The following PDGFRL variants were observed in gnomAD, a reference collection of about 807,000 sequenced individuals.
PDGFRL encodes the protein platelet-derived growth factor receptor-like protein.
PDGFRL carries 46 observed loss-of-function variants against 37.2 expected under a neutral mutation model. That is an observed-to-expected ratio of 1.24 (90% CI 0.98 to 1.58). PDGFRL has a LOEUF of 1.58. Among genes scored for constraint, PDGFRL ranks in the 40% most tolerant of loss-of-function variants. The probability of loss-of-function intolerance (pLI) is 0.00; values close to 1 mark genes in which losing one functional copy is unlikely to be tolerated. For synonymous variants in PDGFRL, 251 were observed against 184.3 expected (o/e 1.36, Z -2.93); for missense variants, 692 against 467.6 (o/e 1.48, Z -4.43).
intron 2 of PDGFRL, among the ~76,000 whole-genome samples, chr8:17,593,901 G>GA (rs374981787): frequency 1.2e-5 from 1 of 84,530 alleles, no homozygotes; most frequent in African/African-American, 3.6e-5. Context: ...AAAAAAAAAA[G>GA]AAAAAAAAAG....
chr8:17,596,634 A>G (rs2720476), intron 2 of PDGFRL, among the ~76,000 whole-genome samples: 21,992 of 152,200 alleles, frequency 0.14, 4,242 homozygotes, highest in African/African-American at 0.43. Flanking sequence ...GTTAATCTGA[A>G]GAGAAATATT....
At chr8:17,617,074 G>A (rs914726248) in intron 2 of PDGFRL, among the ~76,000 whole-genome samples, 10 of 152,208 alleles carry the variant, frequency 6.6e-5, no homozygotes, top group African/African-American at 2.4e-4. Flanking sequence ...ACTGATGGGA[G>A]CAAGACTCTG....
intron 5 of PDGFRL, among the ~76,000 whole-genome samples, chr8:17,635,919 CTT>C (rs1392959674): frequency 2.0e-5 from 3 of 152,116 alleles, no homozygotes; most frequent in Non-Finnish European, 1.5e-5. Context: ...TTTGGTATGT[CTT>C]TTGAGAATTG....
rs373411091 is a variant in PDGFRL at position 17,582,521 on chromosome 8, G to A, written c.55+5214G>A. On this transcript the variant is annotated intron_variant, in intron 1 of 5. Transcript: ENST00000251630. Reference sequence around the variant, plus strand: ...CGCTTGAACTCGGGAAGAGGAGATTGCAGTGAGCTGAGATCAGGCCACTGT... The same window carrying A: ...CGCTTGAACTCGGGAAGAGGAGATTACAGTGAGCTGAGATCAGGCCACTGT... Among the ~76,000 whole-genome samples, 6 of 146,636 alleles carry A rather than the reference G, an allele frequency of 4.1e-5. No homozygotes were observed. The East Asian group carries it at 1.3e-3, about 31-fold the overall frequency.
intron 2 of PDGFRL, among the ~76,000 whole-genome samples, chr8:17,617,264 G>C (rs1396660168): frequency 1.3e-5 from 2 of 152,202 alleles, no homozygotes; most frequent in Non-Finnish European, 2.9e-5. Flanking sequence ...TGATGTGTTG[G>C]CGTGTTCAGA....
In PDGFRL at chr8:17,634,198, C is replaced by T; in HGVS notation, c.924C>T (p.Ile308=). 6.2e-7 allele frequency: 1 copy of T among 1,612,302 alleles called. No individual in the cohort carries two copies. The highest frequency in any genetic ancestry group is 1.1e-5 in the South Asian group (1 of 90,942). ...EPDVEVEFTW[I]FPGQKDERPV... ...ATGTGGAGGTGGAGTTCACCTGGAT[C>T]TTCCCAGGGCAGAAGGTAAGTGTTG... The change falls in exon 5 of 6, where the codon ATC becomes ATT. Residue 308 remains isoleucine (I), a synonymous_variant. Transcript: ENST00000251630.
At chr8:17,586,574 T>C (rs1051592363) in intron 1 of PDGFRL, among the ~76,000 whole-genome samples, 1 of 152,192 alleles carries the variant, frequency 6.6e-6, no homozygotes, top group Non-Finnish European at 1.5e-5. Flanking sequence ...TTGGCATCTA[T>C]ACATTAAAGA....
intron 1 of PDGFRL, among the ~76,000 whole-genome samples, chr8:17,586,820 A>G (rs1219862250): frequency 6.6e-6 from 1 of 152,210 alleles, no homozygotes; most frequent in African/African-American, 2.4e-5. Context: ...GAAGAGGGCA[A>G]GTAGCTTCCC....
At chr8:17,586,447 C>A (rs1041289272) in intron 1 of PDGFRL, among the ~76,000 whole-genome samples, 1 of 152,166 alleles carries the variant, frequency 6.6e-6, no homozygotes, top group African/African-American at 2.4e-5. Context: ...GAAAAAGCAA[C>A]AATATGCTAA....
chr8:17,611,718 A>G (rs1475494248), intron 2 of PDGFRL, among the ~76,000 whole-genome samples: 2 of 152,324 alleles, frequency 1.3e-5, no homozygotes, highest in Non-Finnish European at 2.9e-5. Flanking sequence ...TCTGTGTGCA[A>G]TGGGAGAAGC....
At position 17,589,596 on chromosome 8, in the gene PDGFRL, C is replaced by T. The variant is rs761803349; in HGVS notation, c.184C>T (p.Pro62Ser). The T allele has an allele frequency of 6.2e-7, 1 of 1,613,960 alleles. No homozygotes were observed. The highest frequency in any genetic ancestry group is 8.5e-7 in the Non-Finnish European group (1 of 1,179,896). ...GGACAGGGACTCAGCCAATTCAGCA[C>T]CAAAGACGCAGTCTATCATGATGCA... is the stretch of plus-strand genomic sequence containing the variant. Reference protein sequence around the residue: ...MKDRDSANSAPKTQSIMMQVL... With the variant: ...MKDRDSANSASKTQSIMMQVL... The change falls in exon 2 of 6, where the codon CCA (proline) becomes TCA (serine). Residue 62 changes from proline to serine, a missense_variant. By Grantham distance (74) the Pro-to-Ser change is moderately conservative. Coordinates refer to ENST00000251630, the MANE Select transcript of PDGFRL (RefSeq NM_001372073.1).
At chr8:17,581,330 G>A (rs995713562) in intron 1 of PDGFRL, among the ~76,000 whole-genome samples, 2 of 152,210 alleles carry the variant, frequency 1.3e-5, no homozygotes, top group South Asian at 2.1e-4. Flanking sequence ...GGCTGTGGCT[G>A]TGATGCGTGG....
intron 2 of PDGFRL, among the ~76,000 whole-genome samples, chr8:17,616,980 G>C (rs956504528): frequency 6.6e-6 from 1 of 152,168 alleles, no homozygotes; most frequent in Non-Finnish European, 1.5e-5. Flanking sequence ...AGGACTGTCA[G>C]CTCCCTCCTC....
upstream of PDGFRL, chr8:17,577,054 G>T (rs1304842822): frequency 4.6e-6 from 3 of 651,958 alleles, no homozygotes; most frequent in Non-Finnish European, 7.1e-6. Context: ...CCGCCAGGGG[G>T]CAGGAGAAGT....
Position 17,577,280 on chromosome 8 carries a change from C to G in PDGFRL, c.28C>G (p.Leu10Val). ...GAAGGTCTGGCTGCTGCTTGGTCTTCTGCTGGTGCACGAAGCGCTGGAGGA... is the reference window on the plus strand; with the variant it reads ...GAAGGTCTGGCTGCTGCTTGGTCTTGTGCTGGTGCACGAAGCGCTGGAGGA... MKVWLLLGL[L>V]LVHEALEDVT... Residue 10 changes from leucine to valine, a missense_variant, in exon 1 of 6, where the codon CTG (leucine) becomes GTG (valine). Physicochemically the swap from Leu to Val is conservative, Grantham distance 32. Transcript: ENST00000251630. The G allele has an allele frequency of 6.2e-7, 1 of 1,613,170 alleles. No individual in the cohort carries two copies. The highest frequency in any genetic ancestry group is 8.5e-7 in the Non-Finnish European group (1 of 1,179,684).
intron 5 of PDGFRL, among the ~76,000 whole-genome samples, chr8:17,640,556 T>C (rs6586614): frequency 0.82 from 125,049 of 151,944 alleles, 52,342 homozygotes; most frequent in Non-Finnish European, 0.91. Flanking sequence ...CTCTTCTGTA[T>C]CTAGCCACCC....
intron 3 of PDGFRL, among the ~76,000 whole-genome samples, chr8:17,621,661 T>C (rs763806123): frequency 1.3e-4 from 20 of 151,380 alleles, no homozygotes; most frequent in Admixed American, 2.0e-4. Context: ...ATGTGGCTAA[T>C]GGCTATTGTA....
At chr8:17,582,507 G>T (rs1036177003) in intron 1 of PDGFRL, among the ~76,000 whole-genome samples, 1 of 150,844 alleles carries the variant, frequency 6.6e-6, no homozygotes, top group Non-Finnish European at 1.5e-5. Flanking sequence ...GCTTGAACTC[G>T]GGAAGAGGAG....
At chr8:17,590,988 T>C (rs1243942423) in intron 2 of PDGFRL, among the ~76,000 whole-genome samples, 2 of 151,330 alleles carry the variant, frequency 1.3e-5, no homozygotes, top group East Asian at 4.0e-4. Flanking sequence ...GTTCACACCA[T>C]TCTCCTGCCT....
Sources: allele counts gnomAD v4.1 joint callset (sites outside exome capture counted in the v4.1 genomes callset), GRCh38; gene constraint gnomAD v4.1.1; transcripts MANE v1.5; gene names NCBI Gene and HGNC (gene_info 2026-07-23, HGNC 2026-07-21).